Variants in ROR2 observed in about 807,000 individuals in gnomAD.
The protein encoded by ROR2 is ROR family WNT receptor 2.
ROR2 carries 33 observed loss-of-function variants against 74.9 expected under a neutral mutation model. The observed-to-expected ratio is 0.44, with a 90% CI of 0.33 to 0.59. ROR2 has a LOEUF of 0.59. ROR2 is among the 20% of genes least tolerant of loss of function. The probability of loss-of-function intolerance (pLI) is 0.02; values close to 1 mark genes in which losing one functional copy is unlikely to be tolerated. For missense variants in ROR2, 1,216 were observed against 1,313.8 expected (o/e 0.93, Z 1.15); for synonymous variants, 586 against 558.7 (o/e 1.05, Z -0.69).
intron 1 of ROR2, among the ~76,000 whole-genome samples, chr9:91,865,829 G>A (rs1040329660): frequency 6.6e-6 from 1 of 152,212 alleles, no homozygotes; most frequent in Non-Finnish European, 1.5e-5. Flanking sequence ...AGCATTGCCA[G>A]TGATGTTCAA....
chr9:91,889,661 C>T (rs1049847945), intron 1 of ROR2, among the ~76,000 whole-genome samples: 3 of 152,154 alleles, frequency 2.0e-5, no homozygotes, highest in South Asian at 2.1e-4. Context: ...CAACATCAGA[C>T]GCCAAAACTC....
chr9:91,738,517 C>A (rs1303114305), intron 4 of ROR2, among the ~76,000 whole-genome samples: 1 of 152,176 alleles, frequency 6.6e-6, no homozygotes, highest in Non-Finnish European at 1.5e-5. Flanking sequence ...TGGCAATGCC[C>A]CTGCAAACTT....
rs114180355 is a variant in ROR2, at chr9:91,943,389, C to T, written c.97+6478G>A. The stretch of plus-strand genomic sequence containing the variant: ...GGTGCATAATTTAACATAATATATA[C>T]CAAATATATATATAAATGAAAGCAT... On this transcript the variant is annotated intron_variant, in intron 1 of 8. Coordinates refer to ENST00000375708, the MANE Select transcript of ROR2 (RefSeq NM_004560.4). Among the ~76,000 whole-genome samples, 1,000 of 151,698 alleles carry T rather than the reference C, an allele frequency of 6.6e-3. 9 individuals carry two copies. The highest frequency in any genetic ancestry group is 0.023 in the African/African-American group (945 of 41,348).
intron 1 of ROR2, among the ~76,000 whole-genome samples, chr9:91,885,059 C>T (rs1189630569): frequency 6.6e-6 from 1 of 152,148 alleles, no homozygotes; most frequent in Admixed American, 6.5e-5. Flanking sequence ...AACCCCACCC[C>T]TGGTAGTTCT....
intron 1 of ROR2, among the ~76,000 whole-genome samples, chr9:91,791,946 T>A (rs568460050): frequency 1.6e-4 from 24 of 152,192 alleles, no homozygotes; most frequent in Admixed American, 3.3e-4. Flanking sequence ...CAGAAGAAAA[T>A]TTAGGAAATT....
chr9:91,904,005 A>G (rs964724472), intron 1 of ROR2, among the ~76,000 whole-genome samples: 1 of 151,244 alleles, frequency 6.6e-6, no homozygotes, highest in African/African-American at 2.4e-5. Context: ...CTGCCCTGAC[A>G]GGTCATCCTT....
chr9:91,839,251 GGTGTGTGTGTGTGTGTGTGT>G (rs56134220), intron 1 of ROR2, among the ~76,000 whole-genome samples: 9 of 107,802 alleles, frequency 8.3e-5, no homozygotes, highest in East Asian at 3.2e-4. Context: ...TCAGATCGGG[GGTGTGTGTGTGTGTGTGTGT>G]GTGTGTGTGT....
intron 1 of ROR2, among the ~76,000 whole-genome samples, chr9:91,882,532 A>T (rs10820910): frequency 0.47 from 71,316 of 151,940 alleles, 19,561 homozygotes; most frequent in African/African-American, 0.75. Context: ...ATATACAACA[A>T]GCCTCCACTT....
At chr9:91,848,727 G>A (rs1320717828) in intron 1 of ROR2, among the ~76,000 whole-genome samples, 1 of 148,936 alleles carries the variant, frequency 6.7e-6, no homozygotes, top group African/African-American at 2.5e-5. Context: ...TGCACTCCAG[G>A]CTGGGCGACA....
chr9:91,949,466 G>A (rs1450645385), intron 1 of ROR2, among the ~76,000 whole-genome samples: 1 of 151,984 alleles, frequency 6.6e-6, no homozygotes, highest in Non-Finnish European at 1.5e-5. Flanking sequence ...GTGTGCCCTT[G>A]AAGGAGGAAG....
chr9:91,874,467 T>C (rs1308925676), intron 1 of ROR2, among the ~76,000 whole-genome samples: 1 of 152,204 alleles, frequency 6.6e-6, no homozygotes, highest in Admixed American at 6.5e-5. Flanking sequence ...TAAGTTGGCT[T>C]TGAAAAGCCT....
rs746756515 is a variant in ROR2 at position 91,723,743 on chromosome 9, TTCC to T, written c.2748_2750del (p.Glu917del). On this transcript the variant is annotated inframe_deletion, in exon 9 of 9. Coordinates refer to ENST00000375708, the MANE Select transcript of ROR2 (RefSeq NM_004560.4). ...GCAGCTCAGTCTCTGGGACAGAGCC[TTCC>T]TCCTCCTCCTCTGCTTCCTGCACGG... 7 of 1,613,578 alleles carry T rather than the reference TTCC, an allele frequency of 4.3e-6. No individual in the cohort carries two copies. The highest frequency in any genetic ancestry group is 1.1e-5 in the South Asian group (1 of 91,048).
chr9:91,733,415 G>T lies in ROR2; in HGVS notation c.644C>A (p.Thr215Lys). 1.2e-6 allele frequency: 2 copies of T among 1,611,342 alleles called. No homozygotes were observed. Among genetic ancestry groups the T allele is most frequent in the Non-Finnish European group, 8.5e-7 (1 of 1,179,696 alleles). The change falls in exon 6 of 9, where the codon ACG (threonine) becomes AAG (lysine). Residue 215 changes from threonine to lysine, a missense_variant. Thr to Lys is a moderately conservative substitution (Grantham distance 78). Transcript: ENST00000375708. This position sits in a 1 kb window ranked among gnomAD's most constrained non-coding sequence, Gnocchi z 5.7. ...GCACTGGTCCGACAGGTGCGTAGAC[G>T]TGCCGATCATGGTGAAGGCCGCTGC... ...RITAAFTMIG[T>K]STHLSDQCSQ...
At chr9:91,927,583 T>TTTTTTTTTTTTTA (rs1831442951) in intron 1 of ROR2, among the ~76,000 whole-genome samples, 1 of 130,134 alleles carries the variant, frequency 7.7e-6, no homozygotes, top group Admixed American at 8.2e-5. Context: ...TTTTTTTTTT[T>TTTTTTTTTTTTTA]GAGACGGAGT....
rs1454539526 is a variant in ROR2, at chr9:91,920,023, T to C, written c.97+29844A>G. Among the ~76,000 whole-genome samples, 2 of 152,164 alleles carry C rather than the reference T, an allele frequency of 1.3e-5. 1 individual carries two copies. The highest frequency in any genetic ancestry group is 2.9e-5 in the Non-Finnish European group (2 of 68,030). ...CTTGACCCCCTCAGAAGCCAGCACA[T>C]AAATCCCACTCAACTCCCAATATCA... On this transcript the variant is annotated intron_variant, in intron 1 of 8. Transcript: ENST00000375708.
intron 1 of ROR2, among the ~76,000 whole-genome samples, chr9:91,779,373 T>C (rs570982566): frequency 4.5e-5 from 4 of 87,928 alleles, no homozygotes; most frequent in South Asian, 7.5e-4. Flanking sequence ...CTTTTCTTTT[T>C]TTTTTTTTTT....
At chr9:91,725,205 C>T (rs889671303) in intron 8 of ROR2, 98 bp from the exon 9 acceptor site, 76 of 1,593,966 alleles carry the variant, frequency 4.8e-5, no homozygotes, top group Admixed American at 1.3e-4. Context: ...TGTGCGGCCA[C>T]GACTAGGGGG....
intron 1 of ROR2, among the ~76,000 whole-genome samples, chr9:91,899,511 A>C (rs948110154): frequency 6.6e-6 from 1 of 152,158 alleles, no homozygotes; most frequent in African/African-American, 2.4e-5. Flanking sequence ...CATGGGGTAA[A>C]GAGGTATAGG....
chr9:91,802,619 T>A (rs1827424455), intron 1 of ROR2, among the ~76,000 whole-genome samples: 1 of 152,108 alleles, frequency 6.6e-6, no homozygotes, highest in Non-Finnish European at 1.5e-5. Flanking sequence ...TGGAGAGAGC[T>A]GGGGAGAGAG....
Sources: gnomAD v4.1 joint callset for allele counts (sites outside exome capture counted in the v4.1 genomes callset) on GRCh38, gnomAD v4.1.1 for gene constraint, Gnocchi (gnomAD v3.1) non-coding constraint, MANE v1.5 for transcripts, NCBI Gene and HGNC (gene_info 2026-07-23, HGNC 2026-07-21) for gene names.